Variants in TRIM55 observed in about 807,000 individuals in gnomAD.
The protein encoded by TRIM55 is tripartite motif-containing protein 55.
In TRIM55, 50 loss-of-function variants were observed where a neutral mutation model predicts 60.9. The observed-to-expected ratio is 0.82, with a 90% confidence interval of 0.65 to 1.04. TRIM55 has a LOEUF of 1.04. Ranked by LOEUF, TRIM55 falls within the 50% of genes least tolerant of loss-of-function variation. The probability of loss-of-function intolerance (pLI) is 0.00; values close to 1 mark genes in which losing one functional copy is unlikely to be tolerated. For missense variants in TRIM55, 681 were observed against 666.9 expected (o/e 1.02, Z -0.23); for synonymous variants, 237 against 238.1 (o/e 1.00, Z 0.04).
chr8:66,156,586 G>A (rs1196174822), intron 9 of TRIM55, among the ~76,000 whole-genome samples: 1 of 152,098 alleles, frequency 6.6e-6, no homozygotes, highest in East Asian at 1.9e-4. Flanking sequence ...GTACTTTTGT[G>A]TAAATGACCC....
intron 3 of TRIM55, among the ~76,000 whole-genome samples, chr8:66,136,887 T>A (rs906650430): frequency 1.3e-5 from 2 of 152,206 alleles, no homozygotes; most frequent in African/African-American, 4.8e-5. Context: ...TTAAGACTGA[T>A]GAAAACTGTG....
chr8:66,113,572 C>G, the TRIM55 span: 1 of 456,330 alleles, frequency 2.2e-6, no homozygotes, highest in South Asian at 1.5e-5. Flanking sequence ...GCTTTCTCCC[C>G]ATTTTGGGCC....
At chr8:66,130,710 G>A in intron 2 of TRIM55, among the ~76,000 whole-genome samples, 1 of 149,766 alleles carries the variant, frequency 6.7e-6, no homozygotes, top group Non-Finnish European at 1.5e-5. Context: ...TCCCAGGCTG[G>A]AGTGCAGTGG....
At chr8:66,170,666 G>A (rs1419381623) in intron 9 of TRIM55, among the ~76,000 whole-genome samples, 1 of 152,242 alleles carries the variant, frequency 6.6e-6, no homozygotes, top group Admixed American at 6.5e-5. Flanking sequence ...TGAGGATGTG[G>A]TAAAATTGGA....
the TRIM55 span, among the ~76,000 whole-genome samples, chr8:66,117,841 C>T: frequency 6.6e-6 from 1 of 152,202 alleles, no homozygotes; most frequent in African/African-American, 2.4e-5. Context: ...ATTTCTGGCA[C>T]ATATGTAATG....
Position 66,135,023 on chromosome 8 carries a change from G to A in TRIM55, c.375G>A (p.Glu125=), listed in dbSNP as rs1439537585. The A allele has an allele frequency of 6.2e-7, 1 of 1,614,204 alleles. No individual in the cohort carries two copies. The highest frequency in any genetic ancestry group is 2.2e-5 in the East Asian group (1 of 44,886). The change falls in exon 3 of 10, where the codon GAG becomes GAA. Residue 125 remains glutamate, a synonymous_variant. Coordinates refer to ENST00000315962, the MANE Select transcript of TRIM55 (RefSeq NM_184085.2). ...PEKKSDQPMC[E]EHEEERINIY... is the part of the protein sequence containing the mutation. Reference sequence around the variant, plus strand: ...AGAAATCCGACCAGCCCATGTGCGAGGAACATGAAGAGGAGCGCATCAACA... The same window carrying A: ...AGAAATCCGACCAGCCCATGTGCGAAGAACATGAAGAGGAGCGCATCAACA...
At chr8:66,155,276 T>C (rs1050155140) in intron 9 of TRIM55, among the ~76,000 whole-genome samples, 4 of 152,292 alleles carry the variant, frequency 2.6e-5, no homozygotes, top group Admixed American at 6.5e-5. Flanking sequence ...TTCCATGAGG[T>C]AGTAAAAGGA....
the TRIM55 span, among the ~76,000 whole-genome samples, chr8:66,118,711 A>T: frequency 6.6e-6 from 1 of 152,252 alleles, no homozygotes; most frequent in Non-Finnish European, 1.5e-5. Flanking sequence ...GAGCTCTAGG[A>T]TACCAAAGGA....
In TRIM55 at chr8:66,135,009, C is replaced by T. The variant is rs1240599419; in HGVS notation, c.361C>T (p.Gln121Ter). ...TCCCAGGCCAGAAAAGAAATCCGAC[C>T]AGCCCATGTGCGAGGAACATGAAGA... Reference protein sequence around the residue: ...ESTRPEKKSDQPMCEEHEEER... With the variant: ...ESTRPEKKSD The change falls in exon 3 of 10, where the codon CAG (glutamine) becomes TAG (stop). Residue 121 changes from glutamine to a stop codon, truncating the protein, a stop_gained. Transcript: ENST00000315962. LOFTEE classifies it high-confidence loss of function. The T allele has an allele frequency of 6.2e-7, 1 of 1,614,044 alleles. No individual in the cohort carries two copies. The highest frequency in any genetic ancestry group is 1.1e-5 in the South Asian group (1 of 91,058).
At position 66,174,789 on chromosome 8, in the gene TRIM55, G is replaced by T; in HGVS notation, c.*196G>T. On this transcript the variant is annotated 3_prime_UTR_variant, in exon 10 of 10. Coordinates refer to ENST00000315962, the MANE Select transcript of TRIM55 (RefSeq NM_184085.2). ...GAAAGAATATTTTGAGAAAATAGTT[G>T]CAGAAAGCACTGGAAATAATAAACT... 2.4e-6 allele frequency: 1 copy of T among 417,018 alleles called. No homozygotes were observed. Among genetic ancestry groups the T allele is most frequent in the Non-Finnish European group, 4.0e-6 (1 of 248,896 alleles). The allele number at this position is 417,018 out of a possible 1,614,324, so 25.8% of individuals were successfully genotyped here. A position where few individuals can be genotyped will look rare whatever the true frequency, so the allele number is the denominator to read the frequency against.
At chr8:66,148,300 A>G (rs1810215184) in intron 4 of TRIM55, among the ~76,000 whole-genome samples, 1 of 152,252 alleles carries the variant, frequency 6.6e-6, no homozygotes, top group Admixed American at 6.5e-5. Flanking sequence ...CAGCCACACA[A>G]CACAAATGTG....
chr8:66,131,078 T>C (rs1586171301), intron 2 of TRIM55, among the ~76,000 whole-genome samples: 1 of 152,068 alleles, frequency 6.6e-6, no homozygotes, highest in East Asian at 1.9e-4. Flanking sequence ...ATAATAATAA[T>C]TAACTTTAAA....
chr8:66,158,327 C>A (rs1810865524), intron 9 of TRIM55, among the ~76,000 whole-genome samples: 1 of 152,138 alleles, frequency 6.6e-6, no homozygotes, highest in Non-Finnish European at 1.5e-5. Flanking sequence ...ATAAGAGGCC[C>A]TGAAAGCTTT....
chr8:66,120,409 C>CG, the TRIM55 span, among the ~76,000 whole-genome samples: 1 of 151,908 alleles, frequency 6.6e-6, no homozygotes, highest in African/African-American at 2.4e-5. Context: ...TAACTATGGA[C>CG]GGGGAAGGGG....
chr8:66,118,293 G>A, the TRIM55 span, among the ~76,000 whole-genome samples: 2 of 150,814 alleles, frequency 1.3e-5, no homozygotes, highest in African/African-American at 2.4e-5. Flanking sequence ...ATTTGAAGAA[G>A]GAGTGATTAT....
chr8:66,113,440 T>C, the TRIM55 span: 4 of 450,234 alleles, frequency 8.9e-6, no homozygotes, highest in South Asian at 1.6e-5. Flanking sequence ...AGGTCGCTGG[T>C]TCGATTCCGG....
At chr8:66,155,709 G>A (rs769773112) in intron 9 of TRIM55, 11 of 1,596,926 alleles carry the variant, frequency 6.9e-6, no homozygotes, top group Non-Finnish European at 3.4e-6. Flanking sequence ...TTACTTTAAT[G>A]GGTAGGAAAT....
intron 2 of TRIM55, among the ~76,000 whole-genome samples, chr8:66,133,188 T>C (rs913798312): frequency 6.6e-6 from 1 of 152,212 alleles, no homozygotes; most frequent in African/African-American, 2.4e-5. Flanking sequence ...TCTGGTCTCT[T>C]CCTCTGCCAC....
rs985411944 is a variant in TRIM55 at position 66,175,398 on chromosome 8, C to A, written c.*805C>A. On this transcript the variant is annotated 3_prime_UTR_variant, in exon 10 of 10. Transcript: ENST00000315962. ...TAAATATATATATATTTAAATCATG[C>A]TTTGTTAATATTTGTCCCACCATAA... The A allele has an allele frequency of 3.3e-5, 5 of 152,056 alleles. No individual in the cohort carries two copies. Among genetic ancestry groups the A allele is most frequent in the Non-Finnish European group, 4.4e-5 (3 of 67,986 alleles). 9.4% of individuals were successfully genotyped at this position (152,056 alleles called of 1,614,324 possible). A position where few individuals can be genotyped will look rare whatever the true frequency, so the allele number is the denominator to read the frequency against.
Sources: gnomAD v4.1 joint callset for allele counts (sites outside exome capture counted in the v4.1 genomes callset) on GRCh38, gnomAD v4.1.1 for gene constraint, MANE v1.5 for transcripts, NCBI Gene and HGNC (gene_info 2026-07-23, HGNC 2026-07-21) for gene names.